The following CTNNA2 variants were observed in gnomAD, a reference collection of about 807,000 sequenced individuals.
CTNNA2 encodes the protein catenin alpha 2, also known as catenin alpha-2.
CTNNA2 carries 42 observed loss-of-function variants against 101.0 expected under a neutral mutation model. The ratio of observed to expected loss-of-function variants is 0.42; its 90% CI spans 0.32 to 0.54. The LOEUF (loss-of-function observed/expected upper bound fraction) is 0.54, where lower values mean the gene tolerates loss of function less well. CTNNA2 is among the 20% of genes least tolerant of loss of function. CTNNA2 has a pLI of 0.14. For missense variants in CTNNA2, 871 were observed against 1,223.1 expected (o/e 0.71, Z 4.29); for synonymous variants, 450 against 456.4 (o/e 0.99, Z 0.18).
At chr2:80,614,978 A>ATT (rs11380184) in intron 17 of CTNNA2, among the ~76,000 whole-genome samples, 47 of 149,966 alleles carry the variant, frequency 3.1e-4, no homozygotes, top group South Asian at 8.4e-4. Context: ...ATGCATTGTG[A>ATT]TTTTTTTTTT....
At chr2:79,888,962 A>T (rs963404373) in intron 6 of CTNNA2, among the ~76,000 whole-genome samples, 2 of 152,202 alleles carry the variant, frequency 1.3e-5, no homozygotes, top group Non-Finnish European at 2.9e-5. Context: ...TATTAGAGCA[A>T]CATGTGGTTT....
At chr2:79,588,213 G>C (rs1322836191) in intron 1 of CTNNA2, among the ~76,000 whole-genome samples, 3 of 152,184 alleles carry the variant, frequency 2.0e-5, no homozygotes, top group Admixed American at 1.3e-4. Context: ...CATAGATTTA[G>C]TGAACAAAGA....
chr2:79,514,121 C>T (rs1671679649), intron 1 of CTNNA2, among the ~76,000 whole-genome samples: 1 of 152,178 alleles, frequency 6.6e-6, no homozygotes, highest in Non-Finnish European at 1.5e-5. Context: ...CTGTGCACCA[C>T]AGCATTATTT....
chr2:79,482,732 G>A lies in CTNNA2; in HGVS notation c.-134-22322G>A, dbSNP rs111657366. Among the ~76,000 whole-genome samples, 659 of 152,258 alleles carry A rather than the reference G, an allele frequency of 4.3e-3. 4 individuals carry two copies. The highest frequency in any genetic ancestry group is 0.015 in the African/African-American group (613 of 41,558). On this transcript the variant is annotated intron_variant, in intron 4 of 21. Transcript: ENST00000466387. ...AGTCAGGGCAAAATAATTCATTTAT[G>A]CCAAGAGAACTGCAGACAGTGAGGA...
At chr2:80,224,426 G>A (rs1175923266) in intron 7 of CTNNA2, among the ~76,000 whole-genome samples, 4 of 151,966 alleles carry the variant, frequency 2.6e-5, no homozygotes, top group African/African-American at 9.7e-5. Context: ...GTCCTCTACA[G>A]CTGCATTTAT....
At chr2:80,552,496 T>C (rs1169263731) in intron 11 of CTNNA2, among the ~76,000 whole-genome samples, 1 of 152,192 alleles carries the variant, frequency 6.6e-6, no homozygotes, top group African/African-American at 2.4e-5. Flanking sequence ...CTGTGACTCA[T>C]TTTTTCATAA....
chr2:79,647,652 T>G (rs1680916168), intron 1 of CTNNA2, among the ~76,000 whole-genome samples: 1 of 152,156 alleles, frequency 6.6e-6, no homozygotes, highest in African/African-American at 2.4e-5. Context: ...TGGCCCAGAG[T>G]ATATGATAAA....
intron 3 of CTNNA2, among the ~76,000 whole-genome samples, chr2:79,805,545 T>C (rs1352442668): frequency 2.0e-5 from 3 of 152,160 alleles, no homozygotes; most frequent in African/African-American, 7.2e-5. Flanking sequence ...ACTTCTTTTA[T>C]ATTTGAATAA....
At chr2:80,577,995 C>A (rs1014819880) in intron 13 of CTNNA2, among the ~76,000 whole-genome samples, 1 of 152,172 alleles carries the variant, frequency 6.6e-6, no homozygotes, top group African/African-American at 2.4e-5. Flanking sequence ...ATGACTGAAT[C>A]CTTCAATACT....
At chr2:80,120,469 T>C (rs1366629488) in intron 7 of CTNNA2, among the ~76,000 whole-genome samples, 3 of 152,100 alleles carry the variant, frequency 2.0e-5, no homozygotes, top group Admixed American at 2.0e-4. Context: ...CCTTTTAGGA[T>C]GGATGAACTT....
At chr2:79,920,906 C>T (rs1686606239) in intron 7 of CTNNA2, among the ~76,000 whole-genome samples, 1 of 152,158 alleles carries the variant, frequency 6.6e-6, no homozygotes, top group African/African-American at 2.4e-5. Flanking sequence ...TACAGAGTGA[C>T]CTGTTTCGGC....
chr2:80,122,944 C>T (rs1462182830), intron 7 of CTNNA2, among the ~76,000 whole-genome samples: 2 of 152,136 alleles, frequency 1.3e-5, no homozygotes, highest in Non-Finnish European at 2.9e-5. Flanking sequence ...AGGCAAAGCC[C>T]TGCACTACGC....
intron 17 of CTNNA2, among the ~76,000 whole-genome samples, chr2:80,617,311 A>G (rs995109674): frequency 5.3e-5 from 8 of 151,096 alleles, no homozygotes; most frequent in African/African-American, 1.5e-4. Flanking sequence ...ATAAAAAATC[A>G]AAGATAAGCC....
intron 4 of CTNNA2, chr2:79,500,554 G>A (rs1291400632): frequency 2.6e-5 from 4 of 152,160 alleles, no homozygotes; most frequent in Admixed American, 6.5e-5. Flanking sequence ...GCTACAGTGT[G>A]TATTTTTCTA....
intron 8 of CTNNA2, among the ~76,000 whole-genome samples, chr2:80,415,960 C>T (rs1680000589): frequency 6.6e-6 from 1 of 152,018 alleles, no homozygotes; most frequent in Non-Finnish European, 1.5e-5. Flanking sequence ...TACTGTATGG[C>T]ATCACTTATA....
intron 4 of CTNNA2, among the ~76,000 whole-genome samples, chr2:79,455,676 G>A (rs1670813995): frequency 6.6e-6 from 1 of 152,072 alleles, no homozygotes; most frequent in African/African-American, 2.4e-5. Context: ...ACCCACTTGG[G>A]GTAATCAAAG....
intron 3 of CTNNA2, among the ~76,000 whole-genome samples, chr2:79,842,562 C>T (rs1679904743): frequency 6.6e-6 from 1 of 152,158 alleles, no homozygotes; most frequent in African/African-American, 2.4e-5. Flanking sequence ...TAACAGTACA[C>T]CCTTGGCTTA....
At chr2:79,489,355 C>G (rs1229196822) in intron 4 of CTNNA2, among the ~76,000 whole-genome samples, 1 of 152,106 alleles carries the variant, frequency 6.6e-6, no homozygotes, top group Non-Finnish European at 1.5e-5. Context: ...GGATTATAGT[C>G]AAAAGACTTG....
At chr2:80,228,089 T>A (rs1403751895) in intron 7 of CTNNA2, among the ~76,000 whole-genome samples, 1 of 152,192 alleles carries the variant, frequency 6.6e-6, no homozygotes, top group Admixed American at 6.5e-5. Context: ...AAGACCAAAC[T>A]TGGACAAACT....
Sources: gnomAD v4.1 joint callset for allele counts (sites outside exome capture counted in the v4.1 genomes callset) on GRCh38, gnomAD v4.1.1 for gene constraint, MANE v1.5 for transcripts, NCBI Gene and HGNC (gene_info 2026-07-23, HGNC 2026-07-21) for gene names.